GLDC: variants seen among roughly 807,000 people sequenced by gnomAD.
GLDC encodes glycine decarboxylase.
GLDC carries 104 observed loss-of-function variants against 121.3 expected under a neutral mutation model. The observed-to-expected ratio is 0.86, with a 90% confidence interval of 0.73 to 1.01. The LOEUF (loss-of-function observed/expected upper bound fraction) is 1.01. Among genes scored for constraint, GLDC ranks in the 50% least tolerant of loss-of-function variants. GLDC has a pLI of 0.00. For synonymous variants in GLDC, 546 were observed against 480.6 expected, an observed-to-expected ratio of 1.14 and a Z score of -1.78; for missense variants, 1,429 against 1,306.6, an observed-to-expected ratio of 1.09 and a Z score of -1.44.
chr9:6,644,050 A>AAAAAAAAAAAAAAAAAAAAAAAAAAAAC (rs55988287), intron 2 of GLDC, among the ~76,000 whole-genome samples: 1 of 92,732 alleles, frequency 1.1e-5, no homozygotes, highest in Non-Finnish European at 2.0e-5. Context: ...AAAAAAAAAA[A>AAAAAAAAAAAAAAAAAAAAAAAAAAAAC]CGAAAAAAAA....
intron 11 of GLDC, 140 bp downstream of exon 11, chr9:6,592,003 G>A: frequency 1.4e-6 from 1 of 699,026 alleles, no homozygotes. Context: ...GACTAGCAAG[G>A]GATAGTCAGT....
In GLDC at chr9:6,553,567, G is replaced by A. The variant is rs928346453; in HGVS notation, c.2316-58C>T. ...GTAAACGATTCAGTTTAATCTAATG[G>A]GAAGGTTCTGGGCCCTCCCAGAAAG... is the stretch of plus-strand genomic sequence containing the variant. On this transcript the variant is annotated intron_variant, in intron 19 of 24. Coordinates refer to ENST00000321612, the MANE Select transcript of GLDC (RefSeq NM_000170.3). The A allele has an allele frequency of 1.2e-4, 190 of 1,548,700 alleles. 2 individuals carry two copies. Among genetic ancestry groups the A allele is most frequent in the Non-Finnish European group, 1.4e-4 (152 of 1,120,714 alleles).
At chr9:6,639,659 T>TAA (rs202066422) in intron 2 of GLDC, 25,840 of 265,162 alleles carry the variant, frequency 0.097, 2,475 homozygotes, top group African/African-American at 0.36. Context: ...CTTTTCACCA[T>TAA]AAAAAAAAAG....
intron 21 of GLDC, among the ~76,000 whole-genome samples, chr9:6,544,085 T>C (rs4518719): frequency 0.76 from 115,867 of 152,138 alleles, 45,243 homozygotes; most frequent in East Asian, 0.98. Context: ...AGGCGGCTGC[T>C]GAGGAATAAA....
chr9:6,586,601 C>A (rs1818276703), intron 15 of GLDC, among the ~76,000 whole-genome samples: 1 of 152,184 alleles, frequency 6.6e-6, no homozygotes, highest in Non-Finnish European at 1.5e-5. Context: ...TGTGCTTGAT[C>A]CTTCTTCTTA....
At chr9:6,538,467 C>T (rs932945228) in intron 22 of GLDC, among the ~76,000 whole-genome samples, 50 of 152,182 alleles carry the variant, frequency 3.3e-4, no homozygotes, top group Admixed American at 2.2e-3. Context: ...TCACATTCAG[C>T]GGTTATGCTT....
At chr9:6,556,917 G>A (rs2129729007) in intron 17 of GLDC, among the ~76,000 whole-genome samples, 1 of 152,320 alleles carries the variant, frequency 6.6e-6, no homozygotes, top group East Asian at 1.9e-4. Flanking sequence ...TCTCTAAGGT[G>A]GTTTTCCCTT....
In GLDC at chr9:6,641,100, C is replaced by T. The variant is rs368306253; in HGVS notation, c.334+3514G>A. ...TCATGATCAAAGTATTTTGTCAAGG[C>T]ACTTTCTGAATTGTCCAAGAAGAGG... On this transcript the variant is annotated intron_variant, in intron 2 of 24. Transcript: ENST00000321612. 9.8e-5 allele frequency among the ~76,000 whole-genome samples: 15 copies of T among 152,316 alleles called. No individual in the cohort carries two copies. In the East Asian group the frequency reaches 2.5e-3, roughly 25 times the overall value.
At chr9:6,554,580 G>T in intron 19 of GLDC, 89 bp downstream of exon 19, 1 of 925,362 alleles carries the variant, frequency 1.1e-6, no homozygotes, top group Non-Finnish European at 1.7e-6. Flanking sequence ...CTCAACACAT[G>T]AAGACTTTGA....
At chr9:6,534,351 C>A in intron 24 of GLDC, among the ~76,000 whole-genome samples, 1 of 150,034 alleles carries the variant, frequency 6.7e-6, no homozygotes, top group African/African-American at 2.5e-5. Flanking sequence ...CCCTACCTCA[C>A]TCAAACAGAC....
intron 1 of GLDC, among the ~76,000 whole-genome samples, 190 bp downstream of exon 1, chr9:6,645,055 G>A (rs1819712848): frequency 6.6e-6 from 1 of 152,256 alleles, no homozygotes; most frequent in South Asian, 2.1e-4. Context: ...GCAGGAGAAA[G>A]TAAGCTGTTA....
intron 2 of GLDC, chr9:6,639,351 G>C (rs1819578587): frequency 2.1e-6 from 2 of 944,544 alleles, no homozygotes; most frequent in African/African-American, 1.6e-5. Flanking sequence ...GGAGAAACAA[G>C]CTTGACCACT....
At chr9:6,588,304 A>C in intron 14 of GLDC, 97 bp downstream of exon 14, 1 of 853,048 alleles carries the variant, frequency 1.2e-6, no homozygotes. Flanking sequence ...TCAATCACAG[A>C]ATCACAGTCC....
chr9:6,570,822 C>G (rs1817947605), intron 15 of GLDC, among the ~76,000 whole-genome samples: 1 of 146,774 alleles, frequency 6.8e-6, no homozygotes, highest in Non-Finnish European at 1.5e-5. Context: ...CCACTGCACT[C>G]CAGCCTGCGC....
intron 4 of GLDC, among the ~76,000 whole-genome samples, chr9:6,608,279 G>A (rs1025524034): frequency 8.1e-5 from 12 of 147,340 alleles, no homozygotes; most frequent in Admixed American, 5.5e-4. Context: ...ACCCTTAGCC[G>A]GGCGTGGTGG....
chr9:6,596,782 G>T (rs954528753), intron 8 of GLDC, among the ~76,000 whole-genome samples: 5 of 152,196 alleles, frequency 3.3e-5, no homozygotes, highest in African/African-American at 4.8e-5. Flanking sequence ...ATATTCATAT[G>T]CTGCTGGTAG....
At chr9:6,557,327 A>G (rs1415953184) in intron 17 of GLDC, among the ~76,000 whole-genome samples, 3 of 152,184 alleles carry the variant, frequency 2.0e-5, no homozygotes, top group African/African-American at 7.2e-5. Flanking sequence ...CAGGCGTGGT[A>G]GCTCACGCCT....
chr9:6,590,372 G>A (rs1011277040), intron 11 of GLDC, among the ~76,000 whole-genome samples: 1 of 152,070 alleles, frequency 6.6e-6, no homozygotes, highest in African/African-American at 2.4e-5. Flanking sequence ...TTTAATACTT[G>A]TCCCCTCCAG....
intron 7 of GLDC, among the ~76,000 whole-genome samples, chr9:6,604,384 T>G (rs1052049631): frequency 1.7e-4 from 26 of 152,146 alleles, no homozygotes; most frequent in African/African-American, 6.3e-4. Context: ...TACACAAAAT[T>G]TTTCAAAAAT....
Sources: gnomAD v4.1 joint callset for allele counts (sites outside exome capture counted in the v4.1 genomes callset) on GRCh38, gnomAD v4.1.1 for gene constraint, MANE v1.5 for transcripts, NCBI Gene and HGNC (gene_info 2026-07-23, HGNC 2026-07-21) for gene names.